ETV4: variants seen among roughly 807,000 people sequenced by gnomAD.
The protein encoded by ETV4 is ETS variant transcription factor 4.
Under a neutral mutation model 65.9 loss-of-function variants are expected in ETV4, and 42 were observed. The ratio of observed to expected loss-of-function variants is 0.64; its 90% confidence interval spans 0.50 to 0.82. The LOEUF (loss-of-function observed/expected upper bound fraction) is 0.82, where lower values mean the gene tolerates loss of function less well. Among genes scored for constraint, ETV4 ranks in the 40% least tolerant of loss-of-function variants. The pLI, the probability that ETV4 is intolerant of heterozygous loss-of-function variation, is 0.00. For synonymous variants in ETV4, 238 were observed against 260.0 expected, an observed-to-expected ratio of 0.92 and a Z score of 0.81; for missense variants, 583 against 630.3, an observed-to-expected ratio of 0.92 and a Z score of 0.80.
chr17:43,534,568 C>T (rs543881953), intron 5 of ETV4, among the ~76,000 whole-genome samples: 40 of 152,318 alleles, frequency 2.6e-4, no homozygotes, highest in Middle Eastern at 3.4e-3. Context: ...TGAGCACCTC[C>T]AACCTAGGGC....
intron 4 of ETV4, among the ~76,000 whole-genome samples, chr17:43,543,097 C>A (rs981707779): frequency 6.6e-6 from 1 of 152,094 alleles, no homozygotes; most frequent in Non-Finnish European, 1.5e-5. Context: ...GCATCCCCCC[C>A]TCAGACCTGG....
chr17:43,541,582 T>C (rs1396404026), intron 4 of ETV4, among the ~76,000 whole-genome samples: 2 of 152,016 alleles, frequency 1.3e-5, no homozygotes, highest in Non-Finnish European at 2.9e-5. Context: ...CAAGCTGGAT[T>C]CTGGAAGAAC....
chr17:43,532,226 G>A (rs1970978595), intron 8 of ETV4, among the ~76,000 whole-genome samples: 1 of 152,200 alleles, frequency 6.6e-6, no homozygotes, highest in East Asian at 1.9e-4. Context: ...TTGTCCGGGT[G>A]AGGTGGCTCA....
In ETV4 at chr17:43,533,066, C is replaced by A. The variant is rs184737483; in HGVS notation, c.545+121G>T. The A allele has an allele frequency of 1.6e-3, 2,467 of 1,498,214 alleles. 32 individuals are homozygous for A. Among genetic ancestry groups the A allele is most frequent in the East Asian group, 2.9e-3 (125 of 43,780 alleles). The allele number at this position is 1,498,214 out of a possible 1,614,324, so 92.8% of individuals were successfully genotyped here. ...GTAGGGGGTTGGGGTGTCAGTATTT[C>A]TCCCTTTCTATTCCACTGCCCCCTG... On this transcript the variant is annotated intron_variant, in intron 7 of 12. Coordinates refer to ENST00000319349, the MANE Select transcript of ETV4 (RefSeq NM_001079675.5).
chr17:43,530,576 A>G (rs1302028830), intron 8 of ETV4: 2 of 472,944 alleles, frequency 4.2e-6, no homozygotes, highest in Non-Finnish European at 6.8e-6. Context: ...ATGTCCGGTC[A>G]GCAGGTCAGG....
At chr17:43,535,364 G>A (rs527424444) in intron 5 of ETV4, among the ~76,000 whole-genome samples, 20 of 152,156 alleles carry the variant, frequency 1.3e-4, no homozygotes, top group Non-Finnish European at 2.1e-4. Context: ...TGCAACCTCC[G>A]CCTCCCAGGT....
chr17:43,539,395 T>G (rs956749129), intron 4 of ETV4, among the ~76,000 whole-genome samples: 1 of 152,166 alleles, frequency 6.6e-6, no homozygotes, highest in Non-Finnish European at 1.5e-5. Flanking sequence ...TAAACCAAAG[T>G]GGTTCCTCCT....
chr17:43,544,758 G>C, intron 4 of ETV4: 1 of 509,696 alleles, frequency 2.0e-6, no homozygotes. Context: ...AGTTACACAA[G>C]CCTGGCTCAG....
At chr17:43,537,729 T>C (rs1167569447) in intron 4 of ETV4, among the ~76,000 whole-genome samples, 1 of 151,756 alleles carries the variant, frequency 6.6e-6, no homozygotes, top group Non-Finnish European at 1.5e-5. Context: ...GCATGGTGGC[T>C]CATGCCTGTA....
chr17:43,541,827 A>G (rs982794930), intron 4 of ETV4, among the ~76,000 whole-genome samples: 4 of 152,150 alleles, frequency 2.6e-5, no homozygotes, highest in Non-Finnish European at 4.4e-5. Context: ...TGTCCCCAAG[A>G]GTCTTCAGGA....
chr17:43,532,307 T>C (rs1434380021), intron 8 of ETV4, among the ~76,000 whole-genome samples: 1 of 152,210 alleles, frequency 6.6e-6, no homozygotes, highest in East Asian at 1.9e-4. Context: ...GAGACCATCC[T>C]GGCCAGCATG....
At chr17:43,534,183 G>C (rs1230472319) in intron 5 of ETV4, among the ~76,000 whole-genome samples, 198 bp from the exon 6 acceptor site, 1 of 152,166 alleles carries the variant, frequency 6.6e-6, no homozygotes, top group Non-Finnish European at 1.5e-5. Flanking sequence ...TTATACATCA[G>C]ACTAGTGTCT....
intron 4 of ETV4, among the ~76,000 whole-genome samples, chr17:43,543,077 A>C (rs1185865623): frequency 6.6e-6 from 1 of 151,942 alleles, no homozygotes; most frequent in Non-Finnish European, 1.5e-5. Context: ...AGAAGGAGCG[A>C]TCGGCCTCAG....
At chr17:43,535,496 C>G (rs1354666578) in intron 5 of ETV4, among the ~76,000 whole-genome samples, 5 of 152,122 alleles carry the variant, frequency 3.3e-5, no homozygotes, top group African/African-American at 1.2e-4. Context: ...AGGTTGGTCT[C>G]AAACTCCTGA....
chr17:43,543,296 T>TCTCTCTCTCTCTCTCTCA (rs888736657), intron 4 of ETV4, among the ~76,000 whole-genome samples: 2,618 of 143,336 alleles, frequency 0.018, 38 homozygotes, highest in Non-Finnish European at 0.027. Context: ...TCTCTCTCTC[T>TCTCTCTCTCTCTCTCTCA]CACACACACA....
chr17:43,529,459 C>T (rs764934271), intron 11 of ETV4, 45 bp downstream of exon 11: 1 of 1,574,582 alleles, frequency 6.4e-7, no homozygotes, highest in Non-Finnish European at 8.6e-7. Flanking sequence ...CACCTCCAGG[C>T]TGTAAACTTT....
intron 4 of ETV4, among the ~76,000 whole-genome samples, chr17:43,540,034 G>A (rs1454763615): frequency 6.6e-6 from 1 of 152,148 alleles, no homozygotes; most frequent in Non-Finnish European, 1.5e-5. Context: ...AATGAGACAT[G>A]AAATCCGCTG....
rs79158595 is a variant in ETV4 at position 43,545,844 on chromosome 17, G to A, written c.-51-176C>T. 175,261 of 598,508 alleles carry A rather than the reference G, an allele frequency of 0.29. 27,166 individuals are homozygous for A. The highest frequency in any genetic ancestry group is 0.36 in the East Asian group (12,979 of 35,742). The allele number at this position is 598,508 out of a possible 1,614,324, so 37.1% of individuals were successfully genotyped here. A position where few individuals can be genotyped will look rare whatever the true frequency, so the allele number is the denominator to read the frequency against. ...CACCACCACTCCCCTCCCGCCAAAG[G>A]CCAAAGGAGGTCCCACCTGCTCCCA... On this transcript the variant is annotated intron_variant, in intron 1 of 12. Transcript: ENST00000319349.
At chr17:43,529,772 A>G in intron 10 of ETV4, 96 bp from the exon 11 acceptor site, 1 of 1,597,544 alleles carries the variant, frequency 6.3e-7, no homozygotes, top group Non-Finnish European at 8.6e-7. Context: ...GGGTCTCCCC[A>G]GGTACTTTTC....
Sources: gnomAD v4.1 joint callset for allele counts (sites outside exome capture counted in the v4.1 genomes callset) on GRCh38, gnomAD v4.1.1 for gene constraint, MANE v1.5 for transcripts, NCBI Gene and HGNC (gene_info 2026-07-23, HGNC 2026-07-21) for gene names.